SUGCT: variants seen among roughly 807,000 people sequenced by gnomAD.
SUGCT encodes the protein succinyl-CoA:glutarate-CoA transferase, also known as succinyl-CoA:glutarate CoA-transferase.
In SUGCT, 41 loss-of-function variants were observed where a neutral mutation model predicts 55.0. The observed-to-expected ratio is 0.74, with a 90% CI of 0.58 to 0.97. The LOEUF is 0.97. Ranked by LOEUF, SUGCT falls within the 50% of genes least tolerant of loss-of-function variation. SUGCT has a pLI of 0.00. For missense variants in SUGCT, 568 were observed against 547.8 expected, an observed-to-expected ratio of 1.04 and a Z score of -0.37; for synonymous variants, 187 against 200.4, an observed-to-expected ratio of 0.93 and a Z score of 0.56.
intron 1 of SUGCT, among the ~76,000 whole-genome samples, chr7:40,143,261 G>C (rs374602782): frequency 1.3e-5 from 2 of 152,230 alleles, no homozygotes; most frequent in Admixed American, 6.5e-5. Context: ...TGATAGGTCA[G>C]CTCTTGGAAG....
chr7:40,217,738 C>G (rs1295951945), intron 6 of SUGCT, among the ~76,000 whole-genome samples: 1 of 152,108 alleles, frequency 6.6e-6, no homozygotes, highest in African/African-American at 2.4e-5. Flanking sequence ...GACATGCAGT[C>G]TAGAATTAAT....
At chr7:40,266,508 A>G (rs1277714475) in intron 7 of SUGCT, among the ~76,000 whole-genome samples, 2 of 151,836 alleles carry the variant, frequency 1.3e-5, no homozygotes, top group East Asian at 3.9e-4. Flanking sequence ...TATACTCTTC[A>G]CCCCATTTCC....
At chr7:40,937,305 AT>A in the SUGCT span, among the ~76,000 whole-genome samples, 1 of 152,086 alleles carries the variant, frequency 6.6e-6, no homozygotes, top group Non-Finnish European at 1.5e-5. Context: ...AGTAGCTGGG[AT>A]TACAGGCGCC....
chr7:40,349,898 G>A (rs963565482), intron 9 of SUGCT, among the ~76,000 whole-genome samples: 2 of 152,144 alleles, frequency 1.3e-5, no homozygotes, highest in African/African-American at 4.8e-5. Flanking sequence ...ACATTGTTCA[G>A]TCTGGTCTTG....
In SUGCT at chr7:40,513,368, T is replaced by C. The variant is rs80014141; in HGVS notation, c.1089+16982T>C. Among the ~76,000 whole-genome samples the C allele has an allele frequency of 4.8e-3, 731 of 152,300 alleles. 6 individuals carry two copies. Among genetic ancestry groups the C allele is most frequent in the African/African-American group, 0.017 (687 of 41,560 alleles). ...AATCAGCTACTTTAGTATATGGATA[T>C]GTGTGGGCATCTTGGGGAGCTATAT... On this transcript the variant is annotated intron_variant, in intron 12 of 13. Coordinates refer to ENST00000335693, the MANE Select transcript of SUGCT (RefSeq NM_001193313.2).
intron 7 of SUGCT, among the ~76,000 whole-genome samples, chr7:40,272,074 T>G (rs940596101): frequency 3.7e-5 from 3 of 81,406 alleles, no homozygotes; most frequent in East Asian, 3.0e-4. Flanking sequence ...TCTCGCTCTC[T>G]CTCTCTCTCT....
the SUGCT span, chr7:40,965,760 C>G: frequency 6.6e-6 from 1 of 152,192 alleles, no homozygotes; most frequent in Non-Finnish European, 1.5e-5. Context: ...TGATGTAGAA[C>G]ATACCATCTA....
chr7:40,672,201 A>G (rs1414237525), intron 12 of SUGCT, among the ~76,000 whole-genome samples: 2 of 152,224 alleles, frequency 1.3e-5, no homozygotes, highest in Middle Eastern at 3.2e-3. Flanking sequence ...CTCAAAATAC[A>G]TCACAAATTT....
At chr7:40,518,139 A>G (rs751420561) in intron 12 of SUGCT, among the ~76,000 whole-genome samples, 35 of 152,092 alleles carry the variant, frequency 2.3e-4, no homozygotes, top group Non-Finnish European at 4.7e-4. Context: ...TATATATATG[A>G]AGAAAAAATC....
At chr7:40,445,226 A>G (rs1788753199) in intron 9 of SUGCT, among the ~76,000 whole-genome samples, 1 of 152,152 alleles carries the variant, frequency 6.6e-6, no homozygotes, top group South Asian at 2.1e-4. Flanking sequence ...TTTTGAAAAG[A>G]TCAACAAAAT....
chr7:40,860,574 A>T lies in SUGCT; in HGVS notation c.*95A>T. Reference sequence around the variant, plus strand: ...CCTTCTCCCCAGTTCTGATACCACTAAAAAGAAGATTTAGAGTAACTCCAG... The same window carrying T: ...CCTTCTCCCCAGTTCTGATACCACTTAAAAGAAGATTTAGAGTAACTCCAG... On this transcript the variant is annotated 3_prime_UTR_variant, in exon 14 of 14. Coordinates refer to ENST00000335693, the MANE Select transcript of SUGCT (RefSeq NM_001193313.2). 1 of 1,348,194 alleles carries T rather than the reference A, an allele frequency of 7.4e-7. No individual in the cohort carries two copies. Among genetic ancestry groups the T allele is most frequent in the Non-Finnish European group, 9.9e-7 (1 of 1,006,442 alleles). 83.5% of individuals were successfully genotyped at this position (1,348,194 alleles called of 1,614,324 possible).
intron 12 of SUGCT, among the ~76,000 whole-genome samples, chr7:40,615,137 A>G (rs778709042): frequency 6.6e-6 from 1 of 152,264 alleles, no homozygotes; most frequent in South Asian, 2.1e-4. Flanking sequence ...TGCTAATTCT[A>G]TATTGAATGC....
chr7:40,798,852 T>C (rs944994677), intron 13 of SUGCT, among the ~76,000 whole-genome samples: 1 of 152,316 alleles, frequency 6.6e-6, no homozygotes. Flanking sequence ...TTTTCTTTCT[T>C]TTTTATATTT....
At chr7:40,630,696 C>T (rs920973334) in intron 12 of SUGCT, among the ~76,000 whole-genome samples, 14 of 152,096 alleles carry the variant, frequency 9.2e-5, no homozygotes, top group African/African-American at 2.4e-5. Context: ...GACAGAAAGA[C>T]AATATGATAC....
At chr7:40,170,285 C>G (rs552159415) in intron 1 of SUGCT, among the ~76,000 whole-genome samples, 1 of 152,290 alleles carries the variant, frequency 6.6e-6, no homozygotes, top group South Asian at 2.1e-4. Context: ...GGGTTAGTGT[C>G]TGATCTAGCA....
At chr7:40,309,912 T>C (rs1385729486) in intron 8 of SUGCT, among the ~76,000 whole-genome samples, 1 of 145,604 alleles carries the variant, frequency 6.9e-6, no homozygotes, top group East Asian at 2.0e-4. Context: ...AAAAAACACA[T>C]GACCATGCTG....
the SUGCT span, among the ~76,000 whole-genome samples, chr7:40,933,318 G>A: frequency 6.6e-6 from 1 of 152,150 alleles, no homozygotes; most frequent in Admixed American, 6.6e-5. Flanking sequence ...AGTCTGATGG[G>A]CTTCCCTTTG....
At chr7:40,995,382 G>GTTATTA in the SUGCT span, among the ~76,000 whole-genome samples, 55,517 of 145,300 alleles carry the variant, frequency 0.38, 10,770 homozygotes, top group Middle Eastern at 0.41. Context: ...TATAATAGCT[G>GTTATTA]TTATTATTAT....
chr7:40,690,888 C>T (rs1784667076), intron 12 of SUGCT, among the ~76,000 whole-genome samples: 2 of 152,108 alleles, frequency 1.3e-5, no homozygotes, highest in Admixed American at 1.3e-4. Context: ...TCCATATAAA[C>T]ATTTGAGCTG....
Sources: allele counts gnomAD v4.1 joint callset (sites outside exome capture counted in the v4.1 genomes callset), GRCh38; gene constraint gnomAD v4.1.1; transcripts MANE v1.5; gene names NCBI Gene and HGNC (gene_info 2026-07-23, HGNC 2026-07-21).